CSF2RA: variants seen among roughly 807,000 people sequenced by gnomAD.
CSF2RA encodes the protein colony stimulating factor 2 receptor subunit alpha.
A neutral mutation model predicts 51.6 loss-of-function variants in CSF2RA; 42 were observed. The observed-to-expected ratio is 0.81, with a 90% CI of 0.64 to 1.05. The LOEUF is 1.05. Among genes scored for constraint, CSF2RA ranks in the 50% least tolerant of loss-of-function variants. CSF2RA has a pLI of 0.00. For synonymous variants in CSF2RA, 222 were observed against 193.0 expected (o/e 1.15, Z -1.24); for missense variants, 530 against 501.1 (o/e 1.06, Z -0.55).
chrX:1,293,902 CAGG>C (rs1227020475), intron 7 of CSF2RA: 2 of 330,518 alleles, frequency 6.1e-6, no homozygotes, highest in East Asian at 1.5e-4. Flanking sequence ...CCAGTGTAGA[CAGG>C]AGAAGACTCT....
chrX:1,311,522 C>T (rs1243199324), downstream of CSF2RA, among the ~76,000 whole-genome samples: 1 of 151,766 alleles, frequency 6.6e-6, no homozygotes. Flanking sequence ...CAACCTCCAT[C>T]TCCCCAGTTC....
downstream of CSF2RA, among the ~76,000 whole-genome samples, chrX:1,314,508 C>CACACT (rs1569514902): frequency 1.1e-5 from 1 of 88,186 alleles, no homozygotes; most frequent in African/African-American, 4.4e-5. Flanking sequence ...CCTGCCCAAC[C>CACACT]GCACTGCACC....
chrX:1,270,427 G>A (rs1343760796), intron 1 of CSF2RA, among the ~76,000 whole-genome samples: 5 of 151,830 alleles, frequency 3.3e-5, no homozygotes, highest in Non-Finnish European at 5.9e-5. Flanking sequence ...TTGTAGGGAC[G>A]AGGGTTTCAC....
intron 3 of CSF2RA, among the ~76,000 whole-genome samples, chrX:1,283,473 CCTCTCT>C (rs369929534): frequency 0.23 from 33,287 of 143,006 alleles, 4,474 homozygotes; most frequent in East Asian, 0.51. Context: ...TCCCTCCCTC[CCTCTCT>C]CTCTCTCTTT....
At chrX:1,296,019 G>A (rs185371422) in intron 9 of CSF2RA, among the ~76,000 whole-genome samples, 2 of 136,386 alleles carry the variant, frequency 1.5e-5, no homozygotes, top group African/African-American at 2.8e-5. Context: ...TACTCACGAC[G>A]CCTACAGTTC....
chrX:1,277,104 A>G (rs780222078), intron 2 of CSF2RA, among the ~76,000 whole-genome samples: 1 of 143,196 alleles, frequency 7.0e-6, no homozygotes, highest in South Asian at 2.2e-4. Context: ...GTCTCTAAAT[A>G]AATAAATAAA....
At chrX:1,300,903 C>T (rs1160549659) in intron 10 of CSF2RA, among the ~76,000 whole-genome samples, 1 of 152,112 alleles carries the variant, frequency 6.6e-6, no homozygotes, top group Non-Finnish European at 1.5e-5. Context: ...CCTGTAATCC[C>T]AGCAATTTGG....
chrX:1,310,024 G>A (rs1157202234), downstream of CSF2RA: 2 of 389,476 alleles, frequency 5.1e-6, no homozygotes, highest in South Asian at 1.5e-4. Flanking sequence ...GCAAGACCCT[G>A]TCTCTACAAA....
At chrX:1,275,780 G>C (rs775833254) in intron 2 of CSF2RA, among the ~76,000 whole-genome samples, 1 of 151,788 alleles carries the variant, frequency 6.6e-6, no homozygotes, top group East Asian at 2.0e-4. Flanking sequence ...GGATGGTCTC[G>C]ATCTCCTGAC....
intron 9 of CSF2RA, among the ~76,000 whole-genome samples, chrX:1,296,253 T>A (rs1209443198): frequency 6.7e-6 from 1 of 148,308 alleles, no homozygotes; most frequent in Non-Finnish European, 1.5e-5. Context: ...TCACAACCCC[T>A]AGTGTAACCC....
intron 3 of CSF2RA, among the ~76,000 whole-genome samples, chrX:1,283,107 GTTCCTTCGTTCCTTCGTTCCTTCCTTCC>G (rs2090227125): frequency 1.4e-5 from 2 of 139,550 alleles, no homozygotes; most frequent in Admixed American, 1.5e-4. Context: ...TCCTTCCTTC[GTTCCTTCGTTCCTTCGTTCCTTCCTTCC>G]TTCCTTCCTT....
intron 2 of CSF2RA, among the ~76,000 whole-genome samples, chrX:1,279,776 CGT>C (rs2089650956): frequency 1.3e-5 from 1 of 76,436 alleles, no homozygotes; most frequent in Admixed American, 1.2e-4. Flanking sequence ...GAGACACAAC[CGT>C]TTTTTTTTTT....
At chrX:1,318,957 C>T in the CSF2RA span, among the ~76,000 whole-genome samples, 1 of 151,098 alleles carries the variant, frequency 6.6e-6, no homozygotes. Context: ...TTCCTTTCGC[C>T]CCCTGGTGAT....
At chrX:1,315,480 T>G in the CSF2RA span, among the ~76,000 whole-genome samples, 1 of 152,114 alleles carries the variant, frequency 6.6e-6, no homozygotes, top group African/African-American at 2.4e-5. Context: ...CTCAGCTCAC[T>G]ACAACCTCCG....
At chrX:1,280,425 T>C (rs367546908) in intron 2 of CSF2RA, among the ~76,000 whole-genome samples, 42 of 145,868 alleles carry the variant, frequency 2.9e-4, no homozygotes, top group East Asian at 1.0e-3. Context: ...GAGCCAAGAT[T>C]GCACCACTGC....
intron 9 of CSF2RA, among the ~76,000 whole-genome samples, chrX:1,299,730 C>T (rs1482179009): frequency 1.3e-5 from 2 of 152,052 alleles, no homozygotes; most frequent in Non-Finnish European, 2.9e-5. Flanking sequence ...CCAGCCTGGG[C>T]AACATGGAGA....
chrX:1,321,969 C>A, the CSF2RA span, among the ~76,000 whole-genome samples: 2 of 152,106 alleles, frequency 1.3e-5, no homozygotes, highest in East Asian at 3.9e-4. Flanking sequence ...AACCCCTTTT[C>A]CACTAAAAAT....
intron 12 of CSF2RA, among the ~76,000 whole-genome samples, chrX:1,306,823 A>G (rs1314650033): frequency 1.3e-5 from 2 of 151,176 alleles, no homozygotes; most frequent in African/African-American, 4.9e-5. Flanking sequence ...AAAGACGGAC[A>G]GAGAGAGAAA....
intron 11 of CSF2RA, among the ~76,000 whole-genome samples, chrX:1,304,965 T>C (rs1257545019): frequency 2.0e-5 from 3 of 150,046 alleles, no homozygotes; most frequent in Non-Finnish European, 4.4e-5. Flanking sequence ...ATGCCTGGCC[T>C]AGTTCCTTAA....
Sources: gnomAD v4.1 joint callset for allele counts (sites outside exome capture counted in the v4.1 genomes callset) on GRCh38, gnomAD v4.1.1 for gene constraint, MANE v1.5 for transcripts, NCBI Gene and HGNC (gene_info 2026-07-23, HGNC 2026-07-21) for gene names.